CCPG1: variants seen among roughly 807,000 people sequenced by gnomAD.
CCPG1 encodes the protein cell cycle progression protein 1.
A neutral mutation model predicts 81.3 loss-of-function variants in CCPG1; 46 were observed. That is an observed-to-expected ratio of 0.57 (90% CI 0.45 to 0.72). CCPG1 has a LOEUF of 0.72. Among genes scored for constraint, CCPG1 ranks in the 30% least tolerant of loss-of-function variants. The pLI, the probability that CCPG1 is intolerant of heterozygous loss-of-function variation, is 0.00. For synonymous variants in CCPG1, 330 were observed against 305.2 expected (o/e 1.08, Z -0.85); for missense variants, 902 against 937.6 (o/e 0.96, Z 0.50).
chr15:55,362,425 G>A (rs531352836), intron 7 of CCPG1, among the ~76,000 whole-genome samples: 3 of 151,984 alleles, frequency 2.0e-5, no homozygotes, highest in Non-Finnish European at 4.4e-5. Flanking sequence ...TCACGTTCTG[G>A]CTCATTAATC....
Position 55,360,585 on chromosome 15 carries a change from T to C in CCPG1, c.1188A>G (p.Leu396=). 6 of 1,614,186 alleles carry C rather than the reference T, an allele frequency of 3.7e-6. No individual in the cohort carries two copies. The highest frequency in any genetic ancestry group is 5.1e-6 in the Non-Finnish European group (6 of 1,180,018). The stretch of plus-strand genomic sequence containing the variant: ...CACTTAACTGCTGGAGTTCCCCCCT[T>C]AAAGCCGTAGTTACTAGTCGTTCTC... The part of the protein sequence containing the change: ...LERERLVTTA[L]RGELQQLSGS... Residue 396 remains leucine, a synonymous_variant, in exon 8 of 9, where the codon TTA becomes TTG. Coordinates refer to ENST00000442196, the MANE Select transcript of CCPG1 (RefSeq NM_001204450.2).
intron 1 of CCPG1, among the ~76,000 whole-genome samples, chr15:55,405,968 G>A (rs1026459134): frequency 6.6e-6 from 1 of 152,004 alleles, no homozygotes; most frequent in Admixed American, 6.6e-5. Context: ...GGGTTCAAGC[G>A]ATTCTCCTGC....
chr15:55,358,078 A>G (rs1269748458), intron 8 of CCPG1: 1 of 152,318 alleles, frequency 6.6e-6, no homozygotes, highest in Non-Finnish European at 1.5e-5. Flanking sequence ...ATTAAGGATG[A>G]TTAAGTAACT....
At chr15:55,407,220 C>T (rs1483731536) in intron 1 of CCPG1, among the ~76,000 whole-genome samples, 2 of 104,822 alleles carry the variant, frequency 1.9e-5, no homozygotes, top group South Asian at 7.4e-4. Context: ...AAGAGCGAAA[C>T]CCTCTCTCAA....
Position 55,355,461 on chromosome 15 carries a change from GTGGAAATATTC to G in CCPG1, c.*748_*758del. ...TTCCTAGATAAATTAACATTGCTGG[GTGGAAATATTC>G]AGATGCTGCTTAAATACTTCGGTAA... On this transcript the variant is annotated 3_prime_UTR_variant, in exon 9 of 9. Coordinates refer to ENST00000442196, the MANE Select transcript of CCPG1 (RefSeq NM_001204450.2). 1 of 1,577,090 alleles carries G rather than the reference GTGGAAATATTC, an allele frequency of 6.3e-7. No homozygotes were observed. The highest frequency in any genetic ancestry group is 8.7e-7 in the Non-Finnish European group (1 of 1,155,592).
intron 8 of CCPG1, chr15:55,356,852 T>A: frequency 2.0e-6 from 2 of 987,060 alleles, no homozygotes; most frequent in Non-Finnish European, 2.4e-6. Flanking sequence ...TTCCTTAATG[T>A]CTATGATCAG....
intron 6 of CCPG1, among the ~76,000 whole-genome samples, chr15:55,370,009 T>C (rs1253638886): frequency 9.4e-6 from 1 of 106,706 alleles, no homozygotes; most frequent in African/African-American, 7.1e-5. Context: ...TAAAGGTAAA[T>C]ATATATTTCA....
chr15:55,377,263 T>A, intron 4 of CCPG1, 113 bp from the exon 5 acceptor site: 1 of 721,820 alleles, frequency 1.4e-6, no homozygotes, highest in Non-Finnish European at 2.3e-6. Context: ...AAATAAAAGA[T>A]ATGATTCCTA....
chr15:55,382,619 C>G (rs1426445730), intron 3 of CCPG1, among the ~76,000 whole-genome samples: 1 of 151,760 alleles, frequency 6.6e-6, no homozygotes, highest in Non-Finnish European at 1.5e-5. Flanking sequence ...ACGCCATTCT[C>G]CTGCCTCAGC....
At chr15:55,372,132 C>G in intron 5 of CCPG1, 88 bp from the exon 6 acceptor site, 3 of 1,241,860 alleles carry the variant, frequency 2.4e-6, no homozygotes, top group Non-Finnish European at 2.2e-6. Flanking sequence ...AATGCCATCC[C>G]TTACATGCCT....
intron 6 of CCPG1, among the ~76,000 whole-genome samples, chr15:55,369,053 A>G (rs953443512): frequency 7.2e-5 from 11 of 152,142 alleles, no homozygotes; most frequent in Non-Finnish European, 1.6e-4. Context: ...CGGAGGTGGC[A>G]GTGAGCCAAG....
At chr15:55,364,788 G>A (rs1294996092) in intron 7 of CCPG1, among the ~76,000 whole-genome samples, 3 of 140,904 alleles carry the variant, frequency 2.1e-5, no homozygotes, top group Admixed American at 7.1e-5. Flanking sequence ...CACAAGAATC[G>A]CTTGAACCCA....
chr15:55,384,297 T>C lies in CCPG1; in HGVS notation c.175+1303A>G, dbSNP rs114236484. On this transcript the variant is annotated intron_variant, in intron 3 of 8. Transcript: ENST00000442196. The stretch of plus-strand genomic sequence containing the variant: ...TCATGGTGTCCCAAAGGAATTACAA[T>C]AGTAAAATCAAAGATCTCTGATCAC... Among the ~76,000 whole-genome samples the C allele has an allele frequency of 9.8e-3, 1,493 of 152,262 alleles. 20 individuals carry two copies. Among genetic ancestry groups the C allele is most frequent in the African/African-American group, 0.034 (1,414 of 41,540 alleles).
At chr15:55,374,907 T>G (rs1410685779) in intron 5 of CCPG1, among the ~76,000 whole-genome samples, 1 of 152,206 alleles carries the variant, frequency 6.6e-6, no homozygotes, top group African/African-American at 2.4e-5. Context: ...TCAGGTAATC[T>G]GCCTGCCTCA....
chr15:55,399,417 C>CAGAA (rs1408027532), intron 1 of CCPG1, among the ~76,000 whole-genome samples: 1 of 63,144 alleles, frequency 1.6e-5, no homozygotes, highest in African/African-American at 4.7e-5. Flanking sequence ...ACTAAAAATA[C>CAGAA]AAAAAAAAAA....
At chr15:55,387,086 G>A (rs764200977) in intron 2 of CCPG1, among the ~76,000 whole-genome samples, 2 of 152,154 alleles carry the variant, frequency 1.3e-5, no homozygotes, top group Non-Finnish European at 2.9e-5. Flanking sequence ...AGGAAAAGGA[G>A]ACACATGTAA....
Position 55,360,605 on chromosome 15 carries a change from G to T in CCPG1, c.1168C>A (p.Arg390=), listed in dbSNP as rs768224773. 7.4e-6 allele frequency: 12 copies of T among 1,613,958 alleles called. No homozygotes were observed. The highest frequency in any genetic ancestry group is 1.7e-5 in the Admixed American group (1 of 59,992). Residue 390 remains arginine, a synonymous_variant, in exon 8 of 9, where the codon CGA becomes AGA. Coordinates refer to ENST00000442196, the MANE Select transcript of CCPG1 (RefSeq NM_001204450.2). ...KMLKRELERE[R]LVTTALRGEL... is the part of the protein sequence containing the mutation. ...CCCCTTAAAGCCGTAGTTACTAGTC[G>T]TTCTCTCTCCAGTTCTCTCTTTAGC...
rs1172568279 is a variant in CCPG1 at position 55,360,222 on chromosome 15, A to G, written c.1551T>C (p.Ala517=). 6.2e-7 allele frequency: 1 copy of G among 1,613,682 alleles called. No homozygotes were observed. The highest frequency in any genetic ancestry group is 2.2e-5 in the East Asian group (1 of 44,860). The change falls in exon 8 of 9, where the codon GCT becomes GCC. Residue 517 remains alanine, a synonymous_variant. Transcript: ENST00000442196. ...AGAATTTTTTCAGATTTTCCTTCAC[A>G]GCTTCTTTAGCCTGCTTAATTTTCT... The part of the protein sequence containing the change: ...HKEKIKQAKE[A]VKENLKKFSD...
chr15:55,381,479 A>G (rs558096330), intron 3 of CCPG1, among the ~76,000 whole-genome samples: 1 of 152,180 alleles, frequency 6.6e-6, no homozygotes, highest in Non-Finnish European at 1.5e-5. Context: ...AACATATGCA[A>G]GTAAATGCAT....
Sources: gnomAD v4.1 joint callset for allele counts (sites outside exome capture counted in the v4.1 genomes callset) on GRCh38, gnomAD v4.1.1 for gene constraint, MANE v1.5 for transcripts, NCBI Gene and HGNC (gene_info 2026-07-23, HGNC 2026-07-21) for gene names.